The following TRMT6 variants were observed in gnomAD, a reference collection of about 807,000 sequenced individuals.
TRMT6 encodes the protein tRNA methyltransferase 6 non-catalytic subunit, also known as tRNA (adenine(58)-N(1))-methyltransferase non-catalytic subunit TRM6.
A neutral mutation model predicts 59.0 loss-of-function variants in TRMT6; 34 were observed. That is an observed-to-expected ratio of 0.58 (90% CI 0.44 to 0.77). The LOEUF (loss-of-function observed/expected upper bound fraction) is 0.77, where lower values mean the gene tolerates loss of function less well. Ranked by LOEUF, TRMT6 falls within the 30% of genes least tolerant of loss-of-function variation. The pLI is 0.00. For missense variants in TRMT6, 575 were observed against 604.5 expected, an observed-to-expected ratio of 0.95 and a Z score of 0.51; for synonymous variants, 217 against 210.5, an observed-to-expected ratio of 1.03 and a Z score of -0.27.
Position 5,943,573 on chromosome 20 carries a change from A to G in TRMT6, c.653T>C (p.Met218Thr). ...TTAAATCTTACCTCCCATTCGTTCC[A>G]TCATTGCACCCAGCACCAAGCCTGC... is the stretch of plus-strand genomic sequence containing the variant. ...TCAGLVLGAMMERMGGFGSII... is the reference protein window; with the variant it reads ...TCAGLVLGAMTERMGGFGSII... The change falls in exon 6 of 11, where the codon ATG becomes ACG. Residue 218 changes from methionine to threonine, a missense_variant. By Grantham distance (81) the Met-to-Thr change is moderately conservative. Coordinates refer to ENST00000203001, the MANE Select transcript of TRMT6 (RefSeq NM_015939.5). 6.2e-7 allele frequency: 1 copy of G among 1,614,118 alleles called. No homozygotes were observed.
chr20:5,948,039 G>T (rs575779309), intron 1 of TRMT6, among the ~76,000 whole-genome samples: 3 of 152,052 alleles, frequency 2.0e-5, no homozygotes, highest in Admixed American at 2.0e-4. Context: ...AAGATTGCTT[G>T]AGCCCAAGAG....
intron 1 of TRMT6, among the ~76,000 whole-genome samples, chr20:5,949,529 G>C (rs1471320451): frequency 6.6e-6 from 1 of 152,196 alleles, no homozygotes; most frequent in Non-Finnish European, 1.5e-5. Flanking sequence ...CTAGCCAGCA[G>C]GTGCACAAAC....
chr20:5,937,775 C>T lies in TRMT6; in HGVS notation c.*760G>A, dbSNP rs1289717242. On this transcript the variant is annotated 3_prime_UTR_variant, in exon 11 of 11. Coordinates refer to ENST00000203001, the MANE Select transcript of TRMT6 (RefSeq NM_015939.5). ...ATATAAATATATGTGTGTATATATA[C>T]CAACATCTATATACATATGTGTGTG... 1 of 152,062 alleles carries T rather than the reference C, an allele frequency of 6.6e-6. No homozygotes were observed. The highest frequency in any genetic ancestry group is 2.4e-5 in the African/African-American group (1 of 41,390). 9.4% of individuals were successfully genotyped at this position (152,062 alleles called of 1,614,324 possible).
intron 6 of TRMT6, among the ~76,000 whole-genome samples, chr20:5,943,191 TACATGCTTAG>T (rs2088674498): frequency 1.0e-5 from 1 of 95,280 alleles, no homozygotes; most frequent in African/African-American, 8.4e-5. Context: ...CCAGAGAGAA[TACATGCTTAG>T]TAATCTTCCC....
intron 10 of TRMT6, among the ~76,000 whole-genome samples, chr20:5,939,467 G>GA (rs2088637431): frequency 6.7e-6 from 1 of 148,532 alleles, no homozygotes. Flanking sequence ...GCGACAGAGC[G>GA]AGACTCTGTC....
chr20:5,943,665 TGTATC>T lies in TRMT6; in HGVS notation c.556_560del (p.Asp186ThrfsTer69). The T allele has an allele frequency of 6.2e-7, 1 of 1,614,208 alleles. No homozygotes were observed. Among genetic ancestry groups the T allele is most frequent in the Non-Finnish European group, 8.5e-7 (1 of 1,180,032 alleles). On this transcript the variant is annotated frameshift_variant, in exon 6 of 11. Coordinates refer to ENST00000203001, the MANE Select transcript of TRMT6 (RefSeq NM_015939.5). LOFTEE classifies it high-confidence loss of function. ...TTCCCAACGTCAACATCTGGGCTAG[TGTATC>T]GTATCTCATGTGGCTAAAGTAAAAA...
At position 5,950,443 on chromosome 20, in the gene TRMT6, CCCT is replaced by C; in HGVS notation, c.-41_-39del. ...GTCGCCGTGCTCCACGGCGTCCCGC[CCCT>C]CCTCCTCGGTTGTCGCCACCGCCAG... On this transcript the variant is annotated 5_prime_UTR_variant, in exon 1 of 11. Coordinates refer to ENST00000203001, the MANE Select transcript of TRMT6 (RefSeq NM_015939.5). 2 of 1,549,368 alleles carry C rather than the reference CCCT, an allele frequency of 1.3e-6. No homozygotes were observed. Among genetic ancestry groups the C allele is most frequent in the Non-Finnish European group, 1.7e-6 (2 of 1,149,616 alleles).
intron 1 of TRMT6, among the ~76,000 whole-genome samples, chr20:5,946,822 A>C (rs547930647): frequency 4.2e-4 from 64 of 152,354 alleles, no homozygotes; most frequent in Non-Finnish European, 7.5e-4. Context: ...ATTTTATTTG[A>C]AAATTATCTA....
Position 5,942,922 on chromosome 20 carries a change from C to G in TRMT6, c.668-136G>C, listed in dbSNP as rs1009993948. On this transcript the variant is annotated intron_variant, in intron 6 of 10. Coordinates refer to ENST00000203001, the MANE Select transcript of TRMT6 (RefSeq NM_015939.5). Reference sequence around the variant, plus strand: ...ATTCAGAGGCTGAAGGATGGTGCAGCTCCTCAGGGAGTCTGTTTGGAGTCT... The same window carrying G: ...ATTCAGAGGCTGAAGGATGGTGCAGGTCCTCAGGGAGTCTGTTTGGAGTCT... 2.4e-5 allele frequency: 17 copies of G among 700,218 alleles called. 1 individual carries two copies. The highest frequency in any genetic ancestry group is 2.1e-4 in the African/African-American group (12 of 56,348). 43.4% of individuals were successfully genotyped at this position (700,218 alleles called of 1,614,324 possible).
intron 5 of TRMT6, 109 bp downstream of exon 5, chr20:5,943,811 CAGTAAAAGGACTTACAATTTATGAGGTA>C: frequency 6.6e-7 from 1 of 1,520,088 alleles, no homozygotes; most frequent in East Asian, 2.3e-5. Flanking sequence ...TTGGAGGTGA[CAGTAAAAGGACTTACAATTTATGAGGTA>C]GGAGGATACT....
chr20:5,946,651 T>A, intron 1 of TRMT6, 118 bp from the exon 2 acceptor site: 1 of 911,236 alleles, frequency 1.1e-6, no homozygotes, highest in Non-Finnish European at 1.6e-6. Flanking sequence ...CAGCATTATC[T>A]CTGAACATAA....
At position 5,938,460 on chromosome 20, in the gene TRMT6, T is replaced by C; in HGVS notation, c.*75A>G. ...TATTCTTGGGATATGAAAAAACAAG[T>C]AGTAATGGCATTTAAAGTTTAATTA... On this transcript the variant is annotated 3_prime_UTR_variant, in exon 11 of 11. Coordinates refer to ENST00000203001, the MANE Select transcript of TRMT6 (RefSeq NM_015939.5). The C allele has an allele frequency of 7.1e-7, 1 of 1,416,562 alleles. No homozygotes were observed. Among genetic ancestry groups the C allele is most frequent in the African/African-American group, 1.4e-5 (1 of 69,814 alleles). The allele number at this position is 1,416,562 out of a possible 1,614,324, so 87.7% of individuals were successfully genotyped here. A position where few individuals can be genotyped will look rare whatever the true frequency, so the allele number is the denominator to read the frequency against.
chr20:5,945,341 G>A (rs2122607159), intron 2 of TRMT6, among the ~76,000 whole-genome samples: 1 of 152,352 alleles, frequency 6.6e-6, no homozygotes, highest in African/African-American at 2.4e-5. Flanking sequence ...CACCCAGCAA[G>A]GTCCCACAGC....
At chr20:5,946,087 C>T (rs2088703433) in intron 2 of TRMT6, among the ~76,000 whole-genome samples, 1 of 152,174 alleles carries the variant, frequency 6.6e-6, no homozygotes, top group Non-Finnish European at 1.5e-5. Flanking sequence ...ATATGCTAAC[C>T]ACCTCACAGC....
chr20:5,941,024 CTCTT>C (rs762517536), intron 10 of TRMT6, 25 bp downstream of exon 10: 2 of 1,574,488 alleles, frequency 1.3e-6, no homozygotes, highest in Non-Finnish European at 1.7e-6. Flanking sequence ...GGGAGGGCAG[CTCTT>C]GGGACTGGCT....
In TRMT6 at chr20:5,942,427, C is replaced by T. The variant is rs1478810068; in HGVS notation, c.1026+1G>A. 6 of 1,613,018 alleles carry T rather than the reference C, an allele frequency of 3.7e-6. No individual in the cohort carries two copies. The highest frequency in any genetic ancestry group is 1.7e-5 in the Admixed American group (1 of 59,992). ...GTGGTGGGGACTCTTGGCATCCTTA[C>T]ATAATCTTTTTTGCTTCCTCTCTCT... On this transcript the variant is annotated splice_donor_variant, in intron 7 of 10. Coordinates refer to ENST00000203001, the MANE Select transcript of TRMT6 (RefSeq NM_015939.5). LOFTEE classifies it high-confidence loss of function.
In TRMT6 at chr20:5,938,770, A is replaced by C. The variant is rs375022952; in HGVS notation, c.1303-44T>G. 1.9e-6 allele frequency: 3 copies of C among 1,572,268 alleles called. No individual in the cohort carries two copies. In the African/African-American group the frequency reaches 4.1e-5, roughly 21 times the overall value. On this transcript the variant is annotated intron_variant, in intron 10 of 10. Coordinates refer to ENST00000203001, the MANE Select transcript of TRMT6 (RefSeq NM_015939.5). ...ACATTCATGCTTTCCTAAGACAATAAAGTCCATGCTAACAACACATATACC... is the reference window on the plus strand; with the variant it reads ...ACATTCATGCTTTCCTAAGACAATACAGTCCATGCTAACAACACATATACC...
chr20:5,950,358 T>C lies in TRMT6; in HGVS notation c.48A>G (p.Gly16=), dbSNP rs747629129. 8 of 1,611,150 alleles carry C rather than the reference T, an allele frequency of 5.0e-6. No homozygotes were observed. The Admixed American group carries it at 5.0e-5, about 10-fold the overall frequency. ...EQPGPQPQHP[G]DHRIRDGDFV... ...AGTCGCCGTCGCGGATGCGGTGGTC[T>C]CCGGGATGCTGTGGTTGTGGGCCCG... is the stretch of plus-strand genomic sequence containing the variant. The change falls in exon 1 of 11, where the codon GGA becomes GGG. Residue 16 remains glycine, a synonymous_variant. Transcript: ENST00000203001.
Position 5,950,409 on chromosome 20 carries a change from G to A in TRMT6, c.-4C>T. The stretch of plus-strand genomic sequence containing the variant: ...GCTGCTCCCCTGAGCCCTCCATGAC[G>A]CTCAGCCGGTCGCCGTGCTCCACGG... On this transcript the variant is annotated 5_prime_UTR_variant, in exon 1 of 11. Transcript: ENST00000203001. 6.3e-7 allele frequency: 1 copy of A among 1,582,884 alleles called. No homozygotes were observed.
Sources: allele counts gnomAD v4.1 joint callset (sites outside exome capture counted in the v4.1 genomes callset), GRCh38; gene constraint gnomAD v4.1.1; transcripts MANE v1.5; gene names NCBI Gene and HGNC (gene_info 2026-07-23, HGNC 2026-07-21).